The following RPS6KA6 variants were observed in gnomAD, a reference collection of about 807,000 sequenced individuals.
The protein encoded by RPS6KA6 is ribosomal protein S6 kinase A6.
A neutral mutation model predicts 65.4 loss-of-function variants in RPS6KA6; 27 were observed. The ratio of observed to expected loss-of-function variants is 0.41; its 90% confidence interval spans 0.30 to 0.57. RPS6KA6 has a LOEUF of 0.57. Among genes scored for constraint, RPS6KA6 ranks in the 20% least tolerant of loss-of-function variants. The probability of loss-of-function intolerance (pLI) is 0.24; values close to 1 mark genes in which losing one functional copy is unlikely to be tolerated. For synonymous variants in RPS6KA6, 190 were observed against 184.2 expected (o/e 1.03, Z -0.26); for missense variants, 486 against 555.6 (o/e 0.87, Z 1.26).
chrX:84,166,593 T>G (rs777983044), intron 1 of RPS6KA6, among the ~76,000 whole-genome samples: 5 of 111,158 alleles, frequency 4.5e-5, no homozygotes, highest in African/African-American at 1.6e-4. Flanking sequence ...CAGAGACATA[T>G]GAAACACTAT....
intron 20 of RPS6KA6, among the ~76,000 whole-genome samples, chrX:84,071,895 A>T (rs1388841585): frequency 8.9e-6 from 1 of 112,099 alleles, no homozygotes; most frequent in African/African-American, 3.2e-5. Context: ...GACAAAATAG[A>T]AAATCTGAAC....
chrX:84,187,843 G>A lies in RPS6KA6; in HGVS notation c.57C>T (p.Ser19=). The A allele has an allele frequency of 8.3e-7, 1 of 1,204,610 alleles. No homozygotes were observed. Among genetic ancestry groups the A allele is most frequent in the Non-Finnish European group, 1.1e-6 (1 of 892,170 alleles). Reference sequence around the variant, plus strand: ...CCTCGCCGCTGCTCGCGCCGCCGCCGCTGAACACTTCCATTTCTCGGTCCC... The same window carrying A: ...CCTCGCCGCTGCTCGCGCCGCCGCCACTGAACACTTCCATTTCTCGGTCCC... ...EPWDREMEVF[S]GGGASSGEVN... Residue 19 remains serine, a synonymous_variant, in exon 1 of 22, where the codon AGC becomes AGT. Transcript: ENST00000262752.
In RPS6KA6 at chrX:84,064,392, A is replaced by G; in HGVS notation, c.2123T>C (p.Val708Ala). ...DVSHVVKGAM[V>A]ATYSALTHKT... ...GTGAGTCAGGGCAGAGTATGTTGCAACCATTGCTCCCTAAAGTAATGAGAA... is the reference window on the plus strand; with the variant it reads ...GTGAGTCAGGGCAGAGTATGTTGCAGCCATTGCTCCCTAAAGTAATGAGAA... The change falls in exon 22 of 22, where the codon GTT becomes GCT. Residue 708 changes from valine (V) to alanine (A), a missense_variant. Around this residue, in one of 3 missense-constraint regions of RPS6KA6, gnomAD observed 345 missense variants for 375.0 expected, o/e 0.92. Transcript: ENST00000262752. The G allele has an allele frequency of 8.4e-7, 1 of 1,197,474 alleles. No homozygotes were observed. Among genetic ancestry groups the G allele is most frequent in the Non-Finnish European group, 1.1e-6 (1 of 889,896 alleles).
intron 20 of RPS6KA6, among the ~76,000 whole-genome samples, chrX:84,075,299 TAATA>T (rs983824366): frequency 9.9e-5 from 11 of 111,341 alleles, no homozygotes; most frequent in East Asian, 2.8e-4. Context: ...AACTGTGAGA[TAATA>T]AATAATGAAA....
chrX:84,154,042 TTTTC>T (rs2035373337), intron 3 of RPS6KA6, among the ~76,000 whole-genome samples: 1 of 111,840 alleles, frequency 8.9e-6, no homozygotes, highest in South Asian at 3.7e-4. Context: ...TTATACAGTA[TTTTC>T]TTTAAGAAAA....
At position 84,098,398 on chromosome X, in the gene RPS6KA6, G is replaced by GA. The variant is rs940697368; in HGVS notation, c.1777-551dup. On this transcript the variant is annotated intron_variant, in intron 18 of 21. Transcript: ENST00000262752. ...ATTTCTGGACCACAAGTACACATTT[G>GA]AAAAATACTGAATGGCTTCATTATT... Among the ~76,000 whole-genome samples the GA allele has an allele frequency of 9.0e-5, 10 of 111,248 alleles. 1 individual carries two copies. Among genetic ancestry groups the GA allele is most frequent in the African/African-American group, 2.6e-4 (8 of 30,772 alleles).
At chrX:84,072,893 A>G (rs1428317549) in intron 20 of RPS6KA6, among the ~76,000 whole-genome samples, 1 of 111,978 alleles carries the variant, frequency 8.9e-6, no homozygotes, top group Non-Finnish European at 1.9e-5. Flanking sequence ...TGAAGAGGAT[A>G]CAAATAAATG....
intron 6 of RPS6KA6, among the ~76,000 whole-genome samples, chrX:84,140,956 C>T (rs752455000): frequency 1.7e-4 from 19 of 109,270 alleles, no homozygotes; most frequent in Non-Finnish European, 3.6e-4. Context: ...GGACATGCTT[C>T]ATACTGAGGA....
chrX:84,105,760 C>A, intron 16 of RPS6KA6, 27 bp downstream of exon 16: 1 of 873,883 alleles, frequency 1.1e-6, no homozygotes, highest in Middle Eastern at 2.8e-4. Context: ...ATTAGCTTAG[C>A]TGATACCTAG....
At chrX:84,142,209 T>C (rs1169055268) in intron 6 of RPS6KA6, among the ~76,000 whole-genome samples, 2 of 111,286 alleles carry the variant, frequency 1.8e-5, no homozygotes, top group Non-Finnish European at 3.8e-5. Flanking sequence ...AAATCAACAA[T>C]AGAAAGATAT....
chrX:84,147,824 C>T (rs779277080), intron 4 of RPS6KA6, among the ~76,000 whole-genome samples: 7 of 111,635 alleles, frequency 6.3e-5, no homozygotes, highest in Admixed American at 5.7e-4. Context: ...AAATATGTCA[C>T]TTTTTCTAGC....
chrX:84,094,391 C>T (rs182956204), intron 20 of RPS6KA6, among the ~76,000 whole-genome samples: 6 of 108,279 alleles, frequency 5.5e-5, no homozygotes, highest in Admixed American at 2.0e-4. Context: ...GCCTGTAATC[C>T]TAGCACTTTG....
chrX:84,089,339 T>C (rs774737114), intron 20 of RPS6KA6, among the ~76,000 whole-genome samples: 7 of 112,125 alleles, frequency 6.2e-5, no homozygotes, highest in African/African-American at 2.3e-4. Flanking sequence ...TTGCTGCTGG[T>C]TGGCTGGAAT....
rs1462117771 is a variant in RPS6KA6, at chrX:84,121,967, G to A, written c.647-1940C>T. 2.7e-5 allele frequency among the ~76,000 whole-genome samples: 3 copies of A among 112,269 alleles called. No homozygotes were observed. In the East Asian group the frequency reaches 8.4e-4, roughly 31 times the overall value. The stretch of plus-strand genomic sequence containing the variant: ...AGAAAATGAAAAAGAAGCTACAGGA[G>A]GAAACGATGGAGCAAGATGGCAAAA... On this transcript the variant is annotated intron_variant, in intron 8 of 21. Transcript: ENST00000262752.
intron 18 of RPS6KA6, among the ~76,000 whole-genome samples, chrX:84,101,562 T>C (rs762683771): frequency 9.0e-6 from 1 of 111,170 alleles, no homozygotes; most frequent in South Asian, 3.7e-4. Flanking sequence ...CAATCGAGGA[T>C]AGCACTGCCC....
At chrX:84,070,811 T>C (rs765800758) in intron 20 of RPS6KA6, among the ~76,000 whole-genome samples, 10 of 111,195 alleles carry the variant, frequency 9.0e-5, no homozygotes, top group Non-Finnish European at 1.7e-4. Context: ...CAAACCTAAA[T>C]GGTTATTGGA....
intron 8 of RPS6KA6, among the ~76,000 whole-genome samples, chrX:84,121,780 C>A (rs904052288): frequency 7.1e-5 from 8 of 111,982 alleles, no homozygotes; most frequent in African/African-American, 2.6e-4. Context: ...CATGTAAAAC[C>A]TAAAACTATA....
intron 19 of RPS6KA6, 23 bp from the exon 20 acceptor site, chrX:84,096,334 T>C (rs2034156602): frequency 1.2e-6 from 1 of 836,003 alleles, no homozygotes; most frequent in Non-Finnish European, 1.7e-6. Context: ...TAGATTTTAA[T>C]AGACACTAGA....
intron 20 of RPS6KA6, among the ~76,000 whole-genome samples, chrX:84,072,185 G>A (rs1417765547): frequency 9.0e-6 from 1 of 111,504 alleles, no homozygotes; most frequent in Non-Finnish European, 1.9e-5. Flanking sequence ...GAGTTCAACA[G>A]CACATTAAAA....
Sources: gnomAD v4.1 joint callset for allele counts (sites outside exome capture counted in the v4.1 genomes callset) on GRCh38, gnomAD v4.1.1 for gene constraint, gnomAD v4.1.1 regional missense constraint, MANE v1.5 for transcripts, NCBI Gene and HGNC (gene_info 2026-07-23, HGNC 2026-07-21) for gene names.